Variants in SPHKAP observed in about 807,000 individuals in gnomAD.
The protein encoded by SPHKAP is SPHK1 interactor, AKAP domain containing, also known as A-kinase anchor protein SPHKAP.
A neutral mutation model predicts 137.5 loss-of-function variants in SPHKAP; 67 were observed. That is an observed-to-expected ratio of 0.49 (90% CI 0.40 to 0.60). The LOEUF (loss-of-function observed/expected upper bound fraction) is 0.60. Ranked by LOEUF, SPHKAP falls within the 20% of genes least tolerant of loss-of-function variation. The pLI, the probability that SPHKAP is intolerant of heterozygous loss-of-function variation, is 0.00. For synonymous variants in SPHKAP, 813 were observed against 785.3 expected (o/e 1.04, Z -0.59); for missense variants, 2,097 against 2,069.3 (o/e 1.01, Z -0.26).
chr2:228,115,064 G>A (rs1186340238), intron 2 of SPHKAP, among the ~76,000 whole-genome samples: 1 of 152,126 alleles, frequency 6.6e-6, no homozygotes, highest in Non-Finnish European at 1.5e-5. Context: ...ATCAGGGCAG[G>A]TGGAGAAGAC....
rs554670228 is a variant in SPHKAP at position 228,078,856 on chromosome 2, A to C, written c.246+29976T>G. Among the ~76,000 whole-genome samples the C allele has an allele frequency of 3.3e-5, 5 of 152,260 alleles. No homozygotes were observed. The East Asian group carries it at 9.7e-4, about 29-fold the overall frequency. On this transcript the variant is annotated intron_variant, in intron 3 of 11. Transcript: ENST00000392056. ...AGCCTTTGCCTCAGACCTCAAAACC[A>C]GGCCCCTCCAAGTAAAACCCCCACA...
At chr2:227,992,471 C>T (rs1693452349) in intron 9 of SPHKAP, among the ~76,000 whole-genome samples, 1 of 151,892 alleles carries the variant, frequency 6.6e-6, no homozygotes, top group Admixed American at 6.6e-5. Context: ...ACAGATTTTC[C>T]CTGGGGTTGT....
chr2:228,080,731 A>G (rs1389800000), intron 3 of SPHKAP, among the ~76,000 whole-genome samples: 2 of 16,540 alleles, frequency 1.2e-4, no homozygotes, highest in African/African-American at 5.2e-4. Flanking sequence ...ATAAAATAAA[A>G]TAAAATAAAA....
chr2:228,138,919 T>C (rs1334862652), intron 1 of SPHKAP, among the ~76,000 whole-genome samples: 1 of 40,396 alleles, frequency 2.5e-5, no homozygotes, highest in Non-Finnish European at 5.5e-5. Context: ...AGATGGGCTT[T>C]TTGTCTTCAG....
intron 1 of SPHKAP, among the ~76,000 whole-genome samples, 170 bp from the exon 2 acceptor site, chr2:228,132,255 T>C (rs1433669157): frequency 6.6e-6 from 1 of 152,240 alleles, no homozygotes; most frequent in Non-Finnish European, 1.5e-5. Context: ...CATACACTTT[T>C]GTAATTGGCA....
intron 3 of SPHKAP, among the ~76,000 whole-genome samples, chr2:228,064,015 T>A (rs575447011): frequency 5.9e-5 from 9 of 152,180 alleles, no homozygotes; most frequent in Non-Finnish European, 1.3e-4. Flanking sequence ...ATGTTAAACT[T>A]CAAGTAAAAG....
intron 3 of SPHKAP, among the ~76,000 whole-genome samples, chr2:228,080,756 A>G (rs1022748574): frequency 1.6e-4 from 10 of 64,502 alleles, no homozygotes; most frequent in African/African-American, 5.5e-4. Context: ...ATAAAATAAA[A>G]TAAAATAAAA....
intron 3 of SPHKAP, among the ~76,000 whole-genome samples, chr2:228,067,758 C>A (rs1420952651): frequency 6.6e-6 from 1 of 152,038 alleles, no homozygotes; most frequent in Non-Finnish European, 1.5e-5. Context: ...GAATTGTTTA[C>A]AAACATACAT....
chr2:228,036,891 G>T (rs1354859484), intron 3 of SPHKAP, among the ~76,000 whole-genome samples: 1 of 151,718 alleles, frequency 6.6e-6, no homozygotes, highest in Non-Finnish European at 1.5e-5. Context: ...TGTGGGGTGG[G>T]AGGAGGGGGG....
rs116773925 is a variant in SPHKAP at position 228,156,045 on chromosome 2, T to G, written c.33-23960A>C. On this transcript the variant is annotated intron_variant, in intron 1 of 11. Transcript: ENST00000392056. ...TTGTGGTTAGAAATGTCTTCCCTTGTGAAGGATTTAAACTAAAATGTGCCC... is the reference window on the plus strand; with the variant it reads ...TTGTGGTTAGAAATGTCTTCCCTTGGGAAGGATTTAAACTAAAATGTGCCC... 3.4e-3 allele frequency among the ~76,000 whole-genome samples: 514 copies of G among 152,284 alleles called. 4 individuals are homozygous for G. Among genetic ancestry groups the G allele is most frequent in the African/African-American group, 0.012 (500 of 41,552 alleles).
intron 11 of SPHKAP, among the ~76,000 whole-genome samples, chr2:227,987,167 C>T (rs985504137): frequency 2.6e-5 from 4 of 152,190 alleles, no homozygotes; most frequent in African/African-American, 7.2e-5. Context: ...TATTTCTAGG[C>T]TCCACTACCA....
At chr2:227,992,065 A>G (rs1352796913) in intron 9 of SPHKAP, among the ~76,000 whole-genome samples, 1 of 152,158 alleles carries the variant, frequency 6.6e-6, no homozygotes, top group African/African-American at 2.4e-5. Context: ...AGGACTTGGT[A>G]AATGTTTCTA....
chr2:228,136,363 G>A (rs1216356688), intron 1 of SPHKAP, among the ~76,000 whole-genome samples: 1 of 152,172 alleles, frequency 6.6e-6, no homozygotes, highest in Non-Finnish European at 1.5e-5. Flanking sequence ...AACCAAATTT[G>A]AAGTAGTGAT....
intron 9 of SPHKAP, among the ~76,000 whole-genome samples, chr2:227,992,540 T>C (rs762669335): frequency 1.3e-5 from 2 of 152,194 alleles, no homozygotes; most frequent in African/African-American, 4.8e-5. Context: ...AAATGTTTCC[T>C]GAAAGAGAAA....
chr2:228,156,925 T>C (rs551932234), intron 1 of SPHKAP, among the ~76,000 whole-genome samples: 45 of 152,220 alleles, frequency 3.0e-4, no homozygotes, highest in Admixed American at 2.4e-3. Context: ...CCTCTTTCCT[T>C]TATAAATTAC....
chr2:228,151,419 C>T lies in SPHKAP; in HGVS notation c.33-19334G>A, dbSNP rs1190663302. On this transcript the variant is annotated intron_variant, in intron 1 of 11. Coordinates refer to ENST00000392056, the MANE Select transcript of SPHKAP (RefSeq NM_001142644.2). Reference sequence around the variant, plus strand: ...ACGTGTGCATGTGTCTTTATAGCAGCATGATTTATAGTCCTTTGGGTATAT... The same window carrying T: ...ACGTGTGCATGTGTCTTTATAGCAGTATGATTTATAGTCCTTTGGGTATAT... 2.6e-5 allele frequency among the ~76,000 whole-genome samples: 4 copies of T among 152,004 alleles called. No homozygotes were observed. In the East Asian group the frequency reaches 5.8e-4, roughly 22 times the overall value.
chr2:228,001,364 T>A (rs1168035838), intron 7 of SPHKAP, among the ~76,000 whole-genome samples: 2 of 143,418 alleles, frequency 1.4e-5, no homozygotes, highest in African/African-American at 2.5e-5. Context: ...TATAAATATA[T>A]ACACACATAA....
chr2:228,168,966 C>G (rs1009513159), intron 1 of SPHKAP, among the ~76,000 whole-genome samples: 1 of 152,152 alleles, frequency 6.6e-6, no homozygotes, highest in Non-Finnish European at 1.5e-5. Flanking sequence ...GTGTTCTGGA[C>G]ATACAATCAA....
Position 228,108,579 on chromosome 2 carries a change from G to A in SPHKAP, c.246+253C>T, listed in dbSNP as rs540406232. Among the ~76,000 whole-genome samples, 23 of 151,984 alleles carry A rather than the reference G, an allele frequency of 1.5e-4. No homozygotes were observed. The South Asian group carries it at 3.3e-3, about 22-fold the overall frequency. ...ACAATTCTATTTCTGAATCTTTTTC[G>A]CAGTCATTTTTGTAAATATAAACAT... On this transcript the variant is annotated intron_variant, in intron 3 of 11. Transcript: ENST00000392056.
Sources: allele counts gnomAD v4.1 joint callset (sites outside exome capture counted in the v4.1 genomes callset), GRCh38; gene constraint gnomAD v4.1.1; transcripts MANE v1.5; gene names NCBI Gene and HGNC (gene_info 2026-07-23, HGNC 2026-07-21).